Variants in KRT1 observed in about 807,000 individuals in gnomAD.
The protein encoded by KRT1 is keratin 1, also known as keratin, type II cytoskeletal 1.
Under a neutral mutation model 51.6 loss-of-function variants are expected in KRT1, and 28 were observed. The ratio of observed to expected loss-of-function variants is 0.54; its 90% CI spans 0.40 to 0.74. KRT1 has a LOEUF of 0.74. Ranked by LOEUF, KRT1 falls within the 30% of genes least tolerant of loss-of-function variation. The pLI is 0.00. For synonymous variants in KRT1, 301 were observed against 307.7 expected (o/e 0.98, Z 0.23); for missense variants, 783 against 815.5 (o/e 0.96, Z 0.49).
rs553384515 is a variant in KRT1 at position 52,674,981 on chromosome 12, G to C, written c.*212C>G. The C allele has an allele frequency of 7.1e-5, 51 of 717,298 alleles. No homozygotes were observed. In the South Asian group the frequency reaches 8.0e-4, roughly 11 times the overall value. The allele number at this position is 717,298 out of a possible 1,614,324, so 44.4% of individuals were successfully genotyped here. ...GTTTCTCAGGGAAAGAACAAAGCAG[G>C]GTCATAGCCAGGGGACTGAGATTGC... On this transcript the variant is annotated 3_prime_UTR_variant, in exon 9 of 9. Coordinates refer to ENST00000252244, the MANE Select transcript of KRT1 (RefSeq NM_006121.4).
In KRT1 at chr12:52,678,586, C is replaced by T. The variant is rs2741155; in HGVS notation, c.762G>A (p.Ser254=). 9.8e-3 allele frequency: 15,858 copies of T among 1,614,192 alleles called. 103 individuals carry two copies. The highest frequency in any genetic ancestry group is 0.012 in the Non-Finnish European group (14,311 of 1,180,028). Reference sequence around the variant, plus strand: ...CCATGTCCTGCATGTTCTTCAGTTCCGAATCCAACCGAGATTGATCACTCT... The same window carrying T: ...CCATGTCCTGCATGTTCTTCAGTTCTGAATCCAACCGAGATTGATCACTCT... The part of the protein sequence containing the change: ...QLKSDQSRLD[S]ELKNMQDMVE... Residue 254 remains serine, a synonymous_variant, in exon 2 of 9, where the codon TCG becomes TCA. Transcript: ENST00000252244.
rs1419572304 is a variant in KRT1, at chr12:52,675,342, C to T, written c.1786G>A (p.Gly596Ser). 1.6e-5 allele frequency: 26 copies of T among 1,610,730 alleles called. No homozygotes were observed. Among genetic ancestry groups the T allele is most frequent in the Admixed American group, 3.3e-5 (2 of 59,928 alleles). The change falls in exon 9 of 9, where the codon GGC becomes AGC. Residue 596 changes from glycine to serine, a missense_variant. By Grantham distance (56) the Gly-to-Ser change is moderately conservative. Transcript: ENST00000252244. ...GYRGGSGGGG[G>S]GSSGGRGSGG... is the part of the protein sequence containing the mutation. ...GAGCCCCGGCCGCCAGAGCTGCCGCCGCCGCCGCCTCCAGAGCCACCTCTG... is the reference window on the plus strand; with the variant it reads ...GAGCCCCGGCCGCCAGAGCTGCCGCTGCCGCCGCCTCCAGAGCCACCTCTG...
In KRT1 at chr12:52,675,596, G is replaced by A. The variant is rs1245095496; in HGVS notation, c.1532C>T (p.Thr511Ile). ...VSVSVSTSHT[T>I]ISGGGSRGGG... ...TCCTCGGCTGCCACCTCCACTGATGGTGGTGTGGCTTGTGCTCACAGCTGC... is the reference window on the plus strand; with the variant it reads ...TCCTCGGCTGCCACCTCCACTGATGATGGTGTGGCTTGTGCTCACAGCTGC... Residue 511 changes from threonine to isoleucine, a missense_variant, in exon 9 of 9, where the codon ACC becomes ATC. By Grantham distance (89) the Thr-to-Ile change is moderately conservative. Transcript: ENST00000252244. The A allele has an allele frequency of 1.2e-6, 2 of 1,614,128 alleles. No individual in the cohort carries two copies. The highest frequency in any genetic ancestry group is 1.3e-5 in the African/African-American group (1 of 75,034).
rs948772098 is a variant in KRT1, at chr12:52,674,995, G to C, written c.*198C>G. 1 of 768,706 alleles carries C rather than the reference G, an allele frequency of 1.3e-6. No homozygotes were observed. The highest frequency in any genetic ancestry group is 2.3e-6 in the Non-Finnish European group (1 of 443,330). The allele number at this position is 768,706 out of a possible 1,614,324, so 47.6% of individuals were successfully genotyped here. On this transcript the variant is annotated 3_prime_UTR_variant, in exon 9 of 9. Coordinates refer to ENST00000252244, the MANE Select transcript of KRT1 (RefSeq NM_006121.4). ...GAACAAAGCAGGGTCATAGCCAGGG[G>C]ACTGAGATTGCCACTGATCTGAAAA...
intron 6 of KRT1, 86 bp downstream of exon 6, chr12:52,676,973 G>T: frequency 6.5e-7 from 1 of 1,547,722 alleles, no homozygotes; most frequent in Non-Finnish European, 8.8e-7. Flanking sequence ...TGAATTGCAA[G>T]ATTCAAAACT....
At position 52,676,334 on chromosome 12, in the gene KRT1, C is replaced by G. The variant is rs761306590; in HGVS notation, c.1416G>C (p.Lys472Asn). 6.2e-7 allele frequency: 1 copy of G among 1,614,052 alleles called. No homozygotes were observed. Among genetic ancestry groups the G allele is most frequent in the Non-Finnish European group, 8.5e-7 (1 of 1,180,028 alleles). ...LRDYQELMNT[K>N]LALDLEIATY... ...TGGCAATCTCCAGATCCAGGGCCAGCTTTGTGTTCATCAGCTCCTGGTAGT... is the reference window on the plus strand; with the variant it reads ...TGGCAATCTCCAGATCCAGGGCCAGGTTTGTGTTCATCAGCTCCTGGTAGT... Residue 472 changes from lysine (K) to asparagine (N), a missense_variant, in exon 7 of 9, where the codon AAG (lysine) becomes AAC (asparagine). Lys to Asn is a moderately conservative substitution (Grantham distance 94, BLOSUM62 0). Transcript: ENST00000252244.
rs1444223042 is a variant in KRT1 at position 52,674,860 on chromosome 12, A to G, written c.*333T>C. ...CAAAACAGCACAGAGATAAGATGCT[A>G]AGGAGCTGTCCACACCCTGGGTCTA... On this transcript the variant is annotated 3_prime_UTR_variant, in exon 9 of 9. Coordinates refer to ENST00000252244, the MANE Select transcript of KRT1 (RefSeq NM_006121.4). The G allele has an allele frequency of 1.5e-5, 7 of 477,974 alleles. No homozygotes were observed. The highest frequency in any genetic ancestry group is 2.7e-5 in the Non-Finnish European group (7 of 262,546). 29.6% of individuals were successfully genotyped at this position (477,974 alleles called of 1,614,324 possible). A position where few individuals can be genotyped will look rare whatever the true frequency, so the allele number is the denominator to read the frequency against.
intron 7 of KRT1, 125 bp downstream of exon 7, chr12:52,676,150 G>A (rs943275818): frequency 2.4e-6 from 2 of 845,622 alleles, no homozygotes; most frequent in African/African-American, 3.4e-5. Context: ...CTCCTGCTCC[G>A]TGTACTTTTC....
intron 6 of KRT1, 135 bp from the exon 7 acceptor site, chr12:52,676,630 C>T (rs1467379049): frequency 3.7e-6 from 3 of 817,812 alleles, no homozygotes; most frequent in Non-Finnish European, 6.1e-6. Context: ...CTCACACCCA[C>T]CTCCAGATAA....
rs1941479343 is a variant in KRT1, at chr12:52,675,105, G to A, written c.*88C>T. 2 of 1,512,334 alleles carry A rather than the reference G, an allele frequency of 1.3e-6. No homozygotes were observed. The highest frequency in any genetic ancestry group is 1.8e-6 in the Non-Finnish European group (2 of 1,088,786). The allele number at this position is 1,512,334 out of a possible 1,614,324, so 93.7% of individuals were successfully genotyped here. A position where few individuals can be genotyped will look rare whatever the true frequency, so the allele number is the denominator to read the frequency against. ...AACCATAGCTCTTTTCTCCGGTAAG[G>A]CTGGGACAAATCGACCTCGGTCTTG... On this transcript the variant is annotated 3_prime_UTR_variant, in exon 9 of 9. Transcript: ENST00000252244.
chr12:52,679,607 A>G (rs1941556729), intron 1 of KRT1, 151 bp downstream of exon 1: 2 of 749,454 alleles, frequency 2.7e-6, no homozygotes, highest in Non-Finnish European at 4.6e-6. Context: ...ACAAGCATAC[A>G]TCTAACATAT....
chr12:52,678,087 C>T, intron 3 of KRT1, 76 bp downstream of exon 3: 2 of 1,433,054 alleles, frequency 1.4e-6, no homozygotes, highest in Non-Finnish European at 2.0e-6. Flanking sequence ...ATCATGGCTG[C>T]TTTCTGCTTA....
At position 52,677,140 on chromosome 12, in the gene KRT1, C is replaced by T. The variant is rs776823744; in HGVS notation, c.1173G>A (p.Val391=). The change falls in exon 6 of 9, where the codon GTG becomes GTA. Residue 391 remains valine, a synonymous_variant. Transcript: ENST00000252244. ...QITAGRHGDS[V]RNSKIEISEL... is the part of the protein sequence containing the mutation. ...CAGAAATTTCTATCTTTGAATTTCT[C>T]ACACTATCCCCATGTCTGCCAGCAG... 2.5e-6 allele frequency: 4 copies of T among 1,614,154 alleles called. No individual in the cohort carries two copies. Among genetic ancestry groups the T allele is most frequent in the Admixed American group, 3.3e-5 (2 of 60,030 alleles).
At chr12:52,678,809 A>G (rs529168987) in intron 1 of KRT1, 53 bp from the exon 2 acceptor site, 14 of 1,501,666 alleles carry the variant, frequency 9.3e-6, no homozygotes, top group South Asian at 2.3e-5. Context: ...TCTCATAGCC[A>G]TGGAGAACTG....
chr12:52,676,734 T>A (rs748178757), intron 6 of KRT1, among the ~76,000 whole-genome samples: 1 of 152,156 alleles, frequency 6.6e-6, no homozygotes, highest in Non-Finnish European at 1.5e-5. Flanking sequence ...CTTACAGACT[T>A]GACATTCTTC....
At position 52,675,414 on chromosome 12, in the gene KRT1, C is replaced by T. The variant is rs1565646239; in HGVS notation, c.1714G>A (p.Gly572Ser). Reference sequence around the variant, plus strand: ...GAGCCGTAGCTGCCATGGCCGCCGCCGCCACCTCCAGAGCCATAGCTGCCA... The same window carrying T: ...GAGCCGTAGCTGCCATGGCCGCCGCTGCCACCTCCAGAGCCATAGCTGCCA... ...GGGSYGSGGG[G>S]GGHGSYGSGS... The change falls in exon 9 of 9, where the codon GGC becomes AGC. Residue 572 changes from glycine to serine, a missense_variant. Gly to Ser is a moderately conservative substitution (Grantham distance 56). Coordinates refer to ENST00000252244, the MANE Select transcript of KRT1 (RefSeq NM_006121.4). 1.3e-6 allele frequency: 2 copies of T among 1,511,430 alleles called. No individual in the cohort carries two copies. Among genetic ancestry groups the T allele is most frequent in the Non-Finnish European group, 1.8e-6 (2 of 1,110,044 alleles). The allele number at this position is 1,511,430 out of a possible 1,614,324, so 93.6% of individuals were successfully genotyped here.
chr12:52,677,151 C>T lies in KRT1; in HGVS notation c.1162G>A (p.Gly388Arg). 6.2e-7 allele frequency: 1 copy of T among 1,614,188 alleles called. No homozygotes were observed. Among genetic ancestry groups the T allele is most frequent in the South Asian group, 1.1e-5 (1 of 91,082 alleles). The change falls in exon 6 of 9, where the codon GGG (glycine) becomes AGG (arginine). Residue 388 changes from glycine (G) to arginine (R), a missense_variant. By Grantham distance (125) the Gly-to-Arg change is moderately radical. Coordinates refer to ENST00000252244, the MANE Select transcript of KRT1 (RefSeq NM_006121.4). Reference protein sequence around the residue: ...EELQITAGRHGDSVRNSKIEI... With the variant: ...EELQITAGRHRDSVRNSKIEI... ...ATCTTTGAATTTCTCACACTATCCC[C>T]ATGTCTGCCAGCAGTGATCTGCAGC...
rs2121004921 is a variant in KRT1 at position 52,677,656 on chromosome 12, G to A, written c.957C>T (p.Tyr319=). 6.2e-7 allele frequency: 1 copy of A among 1,614,072 alleles called. No homozygotes were observed. Among genetic ancestry groups the A allele is most frequent in the Non-Finnish European group, 8.5e-7 (1 of 1,179,950 alleles). The change falls in exon 4 of 9, where the codon TAC becomes TAT. Residue 319 remains tyrosine (Y), a synonymous_variant. Coordinates refer to ENST00000252244, the MANE Select transcript of KRT1 (RefSeq NM_006121.4). The stretch of plus-strand genomic sequence containing the variant: ...TTGAAACTGGAAGACTTACTGCTTG[G>A]TAGAGTGCTGTAAGGAAATCAATTT... ...QQEIDFLTAL[Y]QAELSQMQTQ...
At position 52,680,139 on chromosome 12, in the gene KRT1, A is replaced by G; in HGVS notation, c.210T>C (p.Leu70=). The G allele has an allele frequency of 6.3e-7, 1 of 1,587,986 alleles. No individual in the cohort carries two copies. The highest frequency in any genetic ancestry group is 8.6e-7 in the Non-Finnish European group (1 of 1,167,126). Residue 70 remains leucine (L), a synonymous_variant, in exon 1 of 9, where the codon CTT becomes CTC. Coordinates refer to ENST00000252244, the MANE Select transcript of KRT1 (RefSeq NM_006121.4). The part of the protein sequence containing the change: ...GGFGSRSLVN[L]GGSKSISISV... ...TTATGGAGATGCTTTTACTGCCACCAAGGTTAACAAGACTCCGACTTCCAA... is the reference window on the plus strand; with the variant it reads ...TTATGGAGATGCTTTTACTGCCACCGAGGTTAACAAGACTCCGACTTCCAA...
Sources: allele counts gnomAD v4.1 joint callset (sites outside exome capture counted in the v4.1 genomes callset), GRCh38; gene constraint gnomAD v4.1.1; transcripts MANE v1.5; gene names NCBI Gene and HGNC (gene_info 2026-07-23, HGNC 2026-07-21).